GNAQ: variants seen among roughly 807,000 people sequenced by gnomAD.
The protein encoded by GNAQ is guanine nucleotide-binding protein G(q) subunit alpha.
A neutral mutation model predicts 43.9 loss-of-function variants in GNAQ; 8 were observed. The ratio of observed to expected loss-of-function variants is 0.18; its 90% CI spans 0.11 to 0.33. The LOEUF (loss-of-function observed/expected upper bound fraction) is 0.33, where lower values mean the gene tolerates loss of function less well. GNAQ is among the 10% of genes least tolerant of loss of function. The pLI is 1.00. For missense variants in GNAQ, 158 were observed against 450.8 expected (o/e 0.35, Z 5.88); for synonymous variants, 155 against 170.7 (o/e 0.91, Z 0.71).
At chr9:77,906,775 T>C (rs1828716466) in intron 2 of GNAQ, among the ~76,000 whole-genome samples, 2 of 152,346 alleles carry the variant, frequency 1.3e-5, no homozygotes, top group East Asian at 1.9e-4. Context: ...TGTATTTGAT[T>C]ACACAGTACA....
At chr9:77,944,013 C>T (rs1469611172) in intron 1 of GNAQ, among the ~76,000 whole-genome samples, 3 of 151,882 alleles carry the variant, frequency 2.0e-5, no homozygotes, top group African/African-American at 7.3e-5. Context: ...TAGGCAACTA[C>T]CAGAATACTG....
intron 6 of GNAQ, 69 bp from the exon 7 acceptor site, chr9:77,721,582 C>T (rs1319829970): frequency 9.0e-6 from 8 of 887,270 alleles, no homozygotes; most frequent in Non-Finnish European, 1.3e-5. Flanking sequence ...ATCATTGGTT[C>T]AATAAATACT....
In GNAQ at chr9:77,728,574, C is replaced by A. The variant is rs898844416; in HGVS notation, c.829G>T (p.Asp277Tyr). The A allele has an allele frequency of 6.2e-7, 1 of 1,601,538 alleles. No individual in the cohort carries two copies. Among genetic ancestry groups the A allele is most frequent in the Non-Finnish European group, 8.6e-7 (1 of 1,169,382 alleles). The part of the protein sequence containing the change: ...SSVILFLNKK[D>Y]LLEEKIMYSH... ...TACATGATTTTCTCCTCTAGAAGAT[C>A]TTTCTTGTTTAAGAACAGAATAACC... Residue 277 changes from aspartate to tyrosine, a missense_variant, in exon 6 of 7, where the codon GAT becomes TAT. Around this residue, in one of 9 missense-constraint regions of GNAQ, gnomAD observed 56 missense variants for 172.2 expected, o/e 0.33. Transcript: ENST00000286548.
At position 77,794,454 on chromosome 9, in the gene GNAQ, A is replaced by G. The variant is rs372136969; in HGVS notation, c.735+9T>C. On this transcript the variant is annotated intron_variant, in intron 5 of 6. Transcript: ENST00000286548. ...ATGATAATCCATTGCCTGTCTAAAG[A>G]ACACTTACCTCATTGTCTGACTCCA... 3.8e-6 allele frequency: 6 copies of G among 1,575,738 alleles called. No individual in the cohort carries two copies. The African/African-American group carries it at 6.8e-5, about 18-fold the overall frequency.
rs141703767 is a variant in GNAQ, at chr9:77,865,161, C to G, written c.322-49391G>C. ...TTAACTTAACAAACAGCTCACTCCG[C>G]TCTTCCATACTTCTTTTCCTACCTG... On this transcript the variant is annotated intron_variant, in intron 2 of 6. Coordinates refer to ENST00000286548, the MANE Select transcript of GNAQ (RefSeq NM_002072.5). Among the ~76,000 whole-genome samples the G allele has an allele frequency of 1.4e-4, 21 of 152,328 alleles. 1 individual carries two copies. In the East Asian group the frequency reaches 4.1e-3, roughly 29 times the overall value.
chr9:77,853,800 A>AAC (rs1554720789), intron 2 of GNAQ, among the ~76,000 whole-genome samples: 12 of 146,204 alleles, frequency 8.2e-5, no homozygotes, highest in Admixed American at 4.8e-4. Flanking sequence ...AAAAAAAAAA[A>AAC]CCCACAGGCA....
intron 1 of GNAQ, among the ~76,000 whole-genome samples, chr9:77,927,849 ACT>A (rs1284951299): frequency 6.6e-6 from 1 of 152,042 alleles, no homozygotes; most frequent in East Asian, 1.9e-4. Flanking sequence ...CCCCCACCCC[ACT>A]CTCTTAATTG....
chr9:77,954,639 G>T (rs1823020742), intron 1 of GNAQ, among the ~76,000 whole-genome samples: 3 of 152,136 alleles, frequency 2.0e-5, no homozygotes, highest in African/African-American at 7.2e-5. Context: ...AGAGTTTAAT[G>T]ACACAAAATT....
chr9:77,887,936 T>G (rs1828338793), intron 2 of GNAQ, among the ~76,000 whole-genome samples: 1 of 152,228 alleles, frequency 6.6e-6, no homozygotes, highest in Non-Finnish European at 1.5e-5. Context: ...TAGCAATTAT[T>G]CTAGATCAGT....
rs371073302 is a variant in GNAQ, at chr9:77,934,349, T to A, written c.137-12004A>T. Among the ~76,000 whole-genome samples, 9 of 152,338 alleles carry A rather than the reference T, an allele frequency of 5.9e-5. No homozygotes were observed. In the East Asian group the frequency reaches 1.5e-3, roughly 26 times the overall value. On this transcript the variant is annotated intron_variant, in intron 1 of 6. Coordinates refer to ENST00000286548, the MANE Select transcript of GNAQ (RefSeq NM_002072.5). ...CACGAGAACGTCACCTAGTATTTAG[T>A]ATATATTCAAATAATAATTCAAATA...
At chr9:78,005,939 C>T (rs1823701439) in intron 1 of GNAQ, among the ~76,000 whole-genome samples, 1 of 152,202 alleles carries the variant, frequency 6.6e-6, no homozygotes, top group Non-Finnish European at 1.5e-5. Context: ...TAGACACAAG[C>T]TTCCATGGGT....
intron 2 of GNAQ, among the ~76,000 whole-genome samples, chr9:77,843,962 G>T (rs1024683415): frequency 4.6e-5 from 7 of 152,122 alleles, no homozygotes; most frequent in Non-Finnish European, 8.8e-5. Context: ...AACTTCTTAT[G>T]CTGACCACAC....
intron 2 of GNAQ, among the ~76,000 whole-genome samples, chr9:77,860,664 G>A (rs1360636381): frequency 6.6e-6 from 1 of 152,214 alleles, no homozygotes; most frequent in Non-Finnish European, 1.5e-5. Flanking sequence ...TACTCAGGCA[G>A]TGAGTGCTAG....
chr9:78,014,802 T>A (rs1216496308), intron 1 of GNAQ, among the ~76,000 whole-genome samples: 1 of 152,182 alleles, frequency 6.6e-6, no homozygotes, highest in African/African-American at 2.4e-5. Flanking sequence ...GTTTTTTAGG[T>A]ACCTCATAAA....
At chr9:77,964,846 CATT>C (rs1823147022) in intron 1 of GNAQ, among the ~76,000 whole-genome samples, 1 of 152,058 alleles carries the variant, frequency 6.6e-6, no homozygotes, top group Non-Finnish European at 1.5e-5. Flanking sequence ...ATACAGAACT[CATT>C]TTTATAACTA....
At chr9:77,950,949 AC>A (rs1822966847) in intron 1 of GNAQ, among the ~76,000 whole-genome samples, 1 of 152,130 alleles carries the variant, frequency 6.6e-6, no homozygotes, top group African/African-American at 2.4e-5. Context: ...TTATAAAATA[AC>A]TTTTTAATTT....
At chr9:77,872,093 T>C (rs1043710902) in intron 2 of GNAQ, among the ~76,000 whole-genome samples, 2 of 152,156 alleles carry the variant, frequency 1.3e-5, no homozygotes, top group Admixed American at 6.5e-5. Flanking sequence ...TGCTATCATT[T>C]GTTTGTTGAA....
chr9:77,730,539 T>C (rs1825472119), intron 5 of GNAQ, among the ~76,000 whole-genome samples: 1 of 152,224 alleles, frequency 6.6e-6, no homozygotes, highest in African/African-American at 2.4e-5. Context: ...AAGCAGATCT[T>C]TGCCAAATCA....
chr9:77,873,666 C>T (rs1490353348), intron 2 of GNAQ, among the ~76,000 whole-genome samples: 1 of 152,128 alleles, frequency 6.6e-6, no homozygotes, highest in Non-Finnish European at 1.5e-5. Context: ...AAAAGTTGGC[C>T]ACAACACTGC....
Sources: allele counts gnomAD v4.1 joint callset (sites outside exome capture counted in the v4.1 genomes callset), GRCh38; gene constraint gnomAD v4.1.1; regional missense constraint gnomAD v4.1.1; transcripts MANE v1.5; gene names NCBI Gene and HGNC (gene_info 2026-07-23, HGNC 2026-07-21).